Variants in PTPRD observed in about 807,000 individuals in gnomAD.
PTPRD encodes protein tyrosine phosphatase receptor type D.
A neutral mutation model predicts 214.5 loss-of-function variants in PTPRD; 34 were observed. The observed-to-expected ratio is 0.16, with a 90% CI of 0.12 to 0.21. PTPRD has a LOEUF of 0.21. Ranked by LOEUF, PTPRD falls within the 10% of genes least tolerant of loss-of-function variation. PTPRD has a pLI of 1.00. For synonymous variants in PTPRD, 1,128 were observed against 845.7 expected, an observed-to-expected ratio of 1.33 and a Z score of -5.79; for missense variants, 2,545 against 2,398.7, an observed-to-expected ratio of 1.06 and a Z score of -1.27.
chr9:9,929,414 CAG>C (rs2153909937), intron 5 of PTPRD, among the ~76,000 whole-genome samples: 1 of 152,178 alleles, frequency 6.6e-6, no homozygotes, highest in South Asian at 2.1e-4. Flanking sequence ...TTTTTTGAGA[CAG>C]AGTCTCACTA....
intron 8 of PTPRD, among the ~76,000 whole-genome samples, chr9:9,523,035 A>G (rs1273436032): frequency 6.6e-6 from 1 of 152,182 alleles, no homozygotes. Context: ...TTAAAAAGTG[A>G]CCTAACTTAA....
intron 11 of PTPRD, among the ~76,000 whole-genome samples, chr9:8,790,404 C>T (rs1234870187): frequency 7.9e-6 from 1 of 127,282 alleles, no homozygotes; most frequent in Non-Finnish European, 1.9e-5. Context: ...AGTAGGGAAT[C>T]TTGTCTGTTT....
At chr9:10,015,641 C>A (rs2096691755) in intron 4 of PTPRD, among the ~76,000 whole-genome samples, 1 of 151,992 alleles carries the variant, frequency 6.6e-6, no homozygotes. Context: ...ACTTGCAAAG[C>A]CTTTAACACA....
At chr9:10,060,329 C>G (rs1264677164) in intron 3 of PTPRD, among the ~76,000 whole-genome samples, 2 of 152,046 alleles carry the variant, frequency 1.3e-5, no homozygotes, top group African/African-American at 2.4e-5. Context: ...AAACTACTTT[C>G]TAAATGCAAA....
intron 8 of PTPRD, among the ~76,000 whole-genome samples, chr9:9,446,097 A>G (rs942033075): frequency 6.6e-6 from 1 of 152,188 alleles, no homozygotes; most frequent in African/African-American, 2.4e-5. Context: ...GTAAGAAATG[A>G]CATAATATTT....
chr9:8,841,253 T>C (rs916372602), intron 11 of PTPRD, among the ~76,000 whole-genome samples: 5 of 152,130 alleles, frequency 3.3e-5, no homozygotes, highest in Non-Finnish European at 5.9e-5. Context: ...GAAAAATGAG[T>C]GTCTTCAAGA....
At position 8,436,679 on chromosome 9, in the gene PTPRD, G is replaced by A. The variant is rs761845336; in HGVS notation, c.3999C>T (p.Ser1333=). 1 of 1,612,160 alleles carries A rather than the reference G, an allele frequency of 6.2e-7. No individual in the cohort carries two copies. The highest frequency in any genetic ancestry group is 1.1e-5 in the South Asian group (1 of 90,966). ...GTTCCAAGATGGGTATTGGAGGATG[G>A]CTAGCCATACCTATTGAAAAAAGCA... ...RLNFQTPGMA[S]HPPIPILELA... The change falls in exon 35 of 46, where the codon AGC becomes AGT. Residue 1333 remains serine (S), a synonymous_variant. Coordinates refer to ENST00000381196, the MANE Select transcript of PTPRD (RefSeq NM_002839.4).
rs72698301 is a variant in PTPRD, at chr9:8,645,659, A to C, written c.65-8815T>G. On this transcript the variant is annotated intron_variant, in intron 12 of 45. Coordinates refer to ENST00000381196, the MANE Select transcript of PTPRD (RefSeq NM_002839.4). ...GAACAGAAAAGGAGAGAGAAGAAGA[A>C]AGGGAAGGAAGAAATGAAGAGAGGA... 5.9e-4 allele frequency among the ~76,000 whole-genome samples: 90 copies of C among 152,262 alleles called. 1 individual carries two copies. Among genetic ancestry groups the C allele is most frequent in the Admixed American group, 1.1e-3 (17 of 15,292 alleles).
intron 9 of PTPRD, among the ~76,000 whole-genome samples, chr9:9,280,241 C>T (rs751077430): frequency 6.6e-6 from 1 of 151,226 alleles, no homozygotes; most frequent in Admixed American, 6.6e-5. Context: ...TGTACTAAGA[C>T]GGAGTGACTT....
intron 11 of PTPRD, among the ~76,000 whole-genome samples, chr9:8,772,383 C>T (rs1363642235): frequency 4.8e-5 from 3 of 62,658 alleles, no homozygotes; most frequent in Non-Finnish European, 1.1e-4. Context: ...CATAAAGGAG[C>T]ACAGTACATA....
At position 10,082,978 on chromosome 9, in the gene PTPRD, C is replaced by A. The variant is rs369986166; in HGVS notation, c.-544-49188G>T. 3.3e-5 allele frequency among the ~76,000 whole-genome samples: 5 copies of A among 152,088 alleles called. No homozygotes were observed. In the East Asian group the frequency reaches 5.8e-4, roughly 18 times the overall value. ...TACTTTAAGAAAACAACAGCCACAA[C>A]AAAGACTCAAAAGTCAACATTAAAG... On this transcript the variant is annotated intron_variant, in intron 3 of 45. Transcript: ENST00000381196.
chr9:9,111,331 T>G (rs1293801716), intron 10 of PTPRD, among the ~76,000 whole-genome samples: 2 of 150,984 alleles, frequency 1.3e-5, no homozygotes, highest in African/African-American at 4.9e-5. Flanking sequence ...CCTAGCTGAC[T>G]GTTCAATGAT....
At chr9:8,885,579 C>A (rs1438576651) in intron 11 of PTPRD, among the ~76,000 whole-genome samples, 1 of 148,036 alleles carries the variant, frequency 6.8e-6, no homozygotes, top group South Asian at 2.2e-4. Context: ...TCACTGAAAC[C>A]TCTGCCTTCC....
At chr9:9,103,879 G>A (rs2099794801) in intron 10 of PTPRD, among the ~76,000 whole-genome samples, 1 of 152,140 alleles carries the variant, frequency 6.6e-6, no homozygotes, top group African/African-American at 2.4e-5. Flanking sequence ...ATACCCTGGA[G>A]GCTGAGGTGA....
At chr9:8,745,626 A>G (rs2092707606) in intron 11 of PTPRD, among the ~76,000 whole-genome samples, 1 of 152,186 alleles carries the variant, frequency 6.6e-6, no homozygotes, top group African/African-American at 2.4e-5. Flanking sequence ...CTTAGAGTAA[A>G]AGTTTATAGA....
At chr9:9,717,875 ATAT>A (rs1220208271) in intron 7 of PTPRD, among the ~76,000 whole-genome samples, 1 of 152,180 alleles carries the variant, frequency 6.6e-6, no homozygotes, top group Non-Finnish European at 1.5e-5. Context: ...CAAAAAATAT[ATAT>A]TATTATAGGA....
intron 10 of PTPRD, among the ~76,000 whole-genome samples, chr9:9,178,913 T>G (rs1398643307): frequency 6.6e-6 from 1 of 152,142 alleles, no homozygotes; most frequent in Non-Finnish European, 1.5e-5. Flanking sequence ...GTTCTTTACC[T>G]GGGACTGTCA....
intron 7 of PTPRD, among the ~76,000 whole-genome samples, chr9:9,666,177 T>C (rs1267314661): frequency 3.3e-5 from 5 of 152,038 alleles, no homozygotes; most frequent in African/African-American, 1.2e-4. Flanking sequence ...AAACTTTATT[T>C]ATAGCACTAA....
chr9:9,926,166 T>A (rs940650404), intron 5 of PTPRD, among the ~76,000 whole-genome samples: 4 of 152,132 alleles, frequency 2.6e-5, no homozygotes, highest in African/African-American at 9.7e-5. Context: ...TACTTCTAAA[T>A]TCTACCTATC....
Sources: gnomAD v4.1 joint callset for allele counts (sites outside exome capture counted in the v4.1 genomes callset) on GRCh38, gnomAD v4.1.1 for gene constraint, MANE v1.5 for transcripts, NCBI Gene and HGNC (gene_info 2026-07-23, HGNC 2026-07-21) for gene names.